BACE2: variants seen among roughly 807,000 people sequenced by gnomAD.
BACE2 encodes beta-secretase 2.
Under a neutral mutation model 46.2 loss-of-function variants are expected in BACE2, and 17 were observed. The observed-to-expected ratio is 0.37, with a 90% CI of 0.25 to 0.55. BACE2 has a LOEUF of 0.55. BACE2 is among the 20% of genes least tolerant of loss of function. The pLI is 0.82. For missense variants in BACE2, 595 were observed against 698.1 expected (o/e 0.85, Z 1.66); for synonymous variants, 277 against 295.9 (o/e 0.94, Z 0.66).
chr21:41,223,561 C>G (rs1268368165), intron 1 of BACE2, among the ~76,000 whole-genome samples: 1 of 152,176 alleles, frequency 6.6e-6, no homozygotes, highest in African/African-American at 2.4e-5. Context: ...CTTGGCACCC[C>G]CCGTGTGTCT....
intron 1 of BACE2, among the ~76,000 whole-genome samples, chr21:41,213,158 A>T (rs142558978): frequency 9.2e-4 from 140 of 152,304 alleles, no homozygotes; most frequent in Middle Eastern, 3.4e-3. Context: ...AGAGACTAAG[A>T]AGAAGAGCTT....
At chr21:41,253,373 C>T (rs1029412934) in intron 7 of BACE2, among the ~76,000 whole-genome samples, 2 of 146,682 alleles carry the variant, frequency 1.4e-5, no homozygotes, top group Non-Finnish European at 1.5e-5. Context: ...ACCTGGGAGG[C>T]AGAGGTTGCA....
intron 2 of BACE2, among the ~76,000 whole-genome samples, chr21:41,229,933 T>C (rs1053542488): frequency 1.4e-4 from 21 of 152,384 alleles, no homozygotes; most frequent in African/African-American, 3.8e-4. Flanking sequence ...CTCAAGGTTC[T>C]GATCTGTTTC....
intron 7 of BACE2, among the ~76,000 whole-genome samples, chr21:41,254,896 G>A (rs1987736789): frequency 6.6e-6 from 1 of 152,356 alleles, no homozygotes; most frequent in African/African-American, 2.4e-5. Flanking sequence ...AACTCTGTCT[G>A]CCCGAGGGGC....
chr21:41,227,266 G>T (rs994079623), intron 2 of BACE2, among the ~76,000 whole-genome samples: 1 of 152,224 alleles, frequency 6.6e-6, no homozygotes, highest in African/African-American at 2.4e-5. Flanking sequence ...CTGACATGCT[G>T]GTTTGTTTTT....
At chr21:41,247,836 A>T (rs1987517873) in intron 6 of BACE2, among the ~76,000 whole-genome samples, 1 of 152,242 alleles carries the variant, frequency 6.6e-6, no homozygotes, top group South Asian at 2.1e-4. Flanking sequence ...TGTCTTGGGC[A>T]GGGAAAGCAT....
At chr21:41,174,697 G>A (rs1199379559) in intron 1 of BACE2, among the ~76,000 whole-genome samples, 2 of 152,128 alleles carry the variant, frequency 1.3e-5, no homozygotes, top group Admixed American at 6.5e-5. Context: ...CAGCAGGAAC[G>A]GGGTGGTGGT....
Position 41,237,577 on chromosome 21 carries a change from G to C in BACE2, c.466G>C (p.Gly156Arg). The C allele has an allele frequency of 6.2e-7, 1 of 1,614,180 alleles. No homozygotes were observed. Among genetic ancestry groups the C allele is most frequent in the Non-Finnish European group, 8.5e-7 (1 of 1,180,022 alleles). The change falls in exon 3 of 9, where the codon GGC (glycine) becomes CGC (arginine). Residue 156 changes from glycine to arginine, a missense_variant. By Grantham distance (125) the Gly-to-Arg change is moderately radical. Coordinates refer to ENST00000330333, the MANE Select transcript of BACE2 (RefSeq NM_012105.5). ...GAAGTACACACAAGGAAGCTGGACGGGCTTCGTTGGGGAAGACCTCGTCAC... is the reference window on the plus strand; with the variant it reads ...GAAGTACACACAAGGAAGCTGGACGCGCTTCGTTGGGGAAGACCTCGTCAC... ...TVKYTQGSWT[G>R]FVGEDLVTIP...
intron 3 of BACE2, among the ~76,000 whole-genome samples, chr21:41,240,498 C>A (rs8127689): frequency 0.023 from 3,445 of 152,292 alleles, 124 homozygotes; most frequent in African/African-American, 0.076. Context: ...AGCCCCAGAG[C>A]GGCTCCAGGC....
At chr21:41,275,272 TA>T in intron 8 of BACE2, 98 bp from the exon 9 acceptor site, 1 of 1,536,352 alleles carries the variant, frequency 6.5e-7, no homozygotes, top group Non-Finnish European at 8.9e-7. Context: ...CAGTGGACTT[TA>T]ACTGTGGTTT....
chr21:41,223,825 G>A (rs186556932), intron 1 of BACE2, among the ~76,000 whole-genome samples: 4 of 152,284 alleles, frequency 2.6e-5, no homozygotes, highest in African/African-American at 9.6e-5. Context: ...CGCAGCCCGG[G>A]GCCGAGAGGT....
intron 8 of BACE2, among the ~76,000 whole-genome samples, chr21:41,260,861 C>T (rs1220888078): frequency 1.3e-5 from 2 of 152,098 alleles, no homozygotes; most frequent in Non-Finnish European, 2.9e-5. Flanking sequence ...ATCACAAAAC[C>T]TAGGTTGGTT....
Position 41,231,349 on chromosome 21 carries a change from A to G in BACE2, c.401+4995A>G, listed in dbSNP as rs145808387. ...AGAATCACAGAAGATTAAGAGGGGC[A>G]TCCGGTCACCTGGGCCAGGACAGTA... is the stretch of plus-strand genomic sequence containing the variant. On this transcript the variant is annotated intron_variant, in intron 2 of 8. Coordinates refer to ENST00000330333, the MANE Select transcript of BACE2 (RefSeq NM_012105.5). 1.1e-3 allele frequency among the ~76,000 whole-genome samples: 172 copies of G among 152,286 alleles called. 5 individuals carry two copies. The East Asian group carries it at 0.027, about 24-fold the overall frequency.
At position 41,275,631 on chromosome 21, in the gene BACE2, A is replaced by G. The variant is rs758188595; in HGVS notation, c.*7A>G. 3.9e-5 allele frequency: 63 copies of G among 1,612,868 alleles called. No homozygotes were observed. The South Asian group carries it at 6.0e-4, about 15-fold the overall frequency. On this transcript the variant is annotated 3_prime_UTR_variant, in exon 9 of 9. Coordinates refer to ENST00000330333, the MANE Select transcript of BACE2 (RefSeq NM_012105.5). ...CAGACATCGCTGGAAATGAATAGCC[A>G]GGCCTGACCTCAAGCAACCATGAAC...
At chr21:41,270,575 A>G (rs1468348282) in intron 8 of BACE2, among the ~76,000 whole-genome samples, 2 of 152,164 alleles carry the variant, frequency 1.3e-5, no homozygotes, top group African/African-American at 2.4e-5. Flanking sequence ...AGCCACCACC[A>G]CACCTGGCCA....
At chr21:41,170,056 T>C (rs967471599) in intron 1 of BACE2, among the ~76,000 whole-genome samples, 5 of 152,140 alleles carry the variant, frequency 3.3e-5, no homozygotes, top group Admixed American at 6.5e-5. Flanking sequence ...TGAATCCCCA[T>C]TGGACATGTG....
chr21:41,190,880 G>T (rs973775780), intron 1 of BACE2, among the ~76,000 whole-genome samples: 2 of 152,190 alleles, frequency 1.3e-5, no homozygotes, highest in African/African-American at 4.8e-5. Context: ...TTAGCCTGTT[G>T]ACTTAAAGGT....
Position 41,241,946 on chromosome 21 carries a change from T to C in BACE2, c.746T>C (p.Leu249Pro). 6.2e-7 allele frequency: 1 copy of C among 1,614,106 alleles called. No homozygotes were observed. The highest frequency in any genetic ancestry group is 8.5e-7 in the Non-Finnish European group (1 of 1,180,004). The change falls in exon 4 of 9, where the codon CTT becomes CCT. Residue 249 changes from leucine (L) to proline (P), a missense_variant and splice_region_variant. This residue lies in a region of BACE2 where 343 missense variants were observed against 419.4 expected (regional missense o/e 0.82). Transcript: ENST00000330333. Reference protein sequence around the residue: ...VAGSGTNGGSLVLGGIEPSLY... With the variant: ...VAGSGTNGGSPVLGGIEPSLY... ...GGATCTGGGACCAACGGAGGTAGTC[T>C]TGTGGGTATCTTTTAGTCTTAAAGG...
Position 41,175,663 on chromosome 21 carries a change from GC to G in BACE2, c.312+7093del, listed in dbSNP as rs1369176775. The G allele has an allele frequency of 2.6e-5, 4 of 152,992 alleles. No individual in the cohort carries two copies. The East Asian group carries it at 7.7e-4, about 29-fold the overall frequency. 9.5% of individuals were successfully genotyped at this position (152,992 alleles called of 1,614,324 possible). ...GCCAAAGAAAACAATTTCTAAAGCAGCCCCCAGGATTTCATGCCACGGGGGT... is the reference window on the plus strand; with the variant it reads ...GCCAAAGAAAACAATTTCTAAAGCAGCCCCAGGATTTCATGCCACGGGGGT... On this transcript the variant is annotated intron_variant, in intron 1 of 8. Transcript: ENST00000330333.
Sources: gnomAD v4.1 joint callset for allele counts (sites outside exome capture counted in the v4.1 genomes callset) on GRCh38, gnomAD v4.1.1 for gene constraint, gnomAD v4.1.1 regional missense constraint, MANE v1.5 for transcripts, NCBI Gene and HGNC (gene_info 2026-07-23, HGNC 2026-07-21) for gene names.